Variants in CHST8 observed in about 807,000 individuals in gnomAD.
CHST8 encodes GALNAC-4-ST1.
In CHST8, 10 loss-of-function variants were observed where a neutral mutation model predicts 15.0. The observed-to-expected ratio is 0.67, with a 90% CI of 0.41 to 1.13. The LOEUF (loss-of-function observed/expected upper bound fraction) is 1.13. Among genes scored for constraint, CHST8 ranks in the 50% most tolerant of loss-of-function variants. The pLI is 0.00. For missense variants in CHST8, 634 were observed against 608.2 expected, an observed-to-expected ratio of 1.04 and a Z score of -0.45; for synonymous variants, 259 against 256.6, an observed-to-expected ratio of 1.01 and a Z score of -0.09.
intron 3 of CHST8, among the ~76,000 whole-genome samples, chr19:33,711,067 T>C (rs191285833): frequency 2.2e-4 from 34 of 152,248 alleles, no homozygotes; most frequent in Admixed American, 4.6e-4. Flanking sequence ...GAGAGGCATC[T>C]CACTATATTA....
intron 3 of CHST8, among the ~76,000 whole-genome samples, chr19:33,770,251 G>A (rs1259970732): frequency 6.6e-6 from 1 of 152,186 alleles, no homozygotes; most frequent in East Asian, 1.9e-4. Context: ...TGGGACACTG[G>A]AACCCCCCTC....
intron 3 of CHST8, among the ~76,000 whole-genome samples, chr19:33,763,853 G>C (rs1278484086): frequency 2.0e-5 from 3 of 152,226 alleles, no homozygotes; most frequent in Admixed American, 2.0e-4. Flanking sequence ...ACCTCACAAG[G>C]GCAGAGCCTG....
intron 3 of CHST8, among the ~76,000 whole-genome samples, chr19:33,760,103 AC>A (rs1974685475): frequency 6.6e-6 from 1 of 151,958 alleles, no homozygotes; most frequent in African/African-American, 2.4e-5. Flanking sequence ...CCCCTGACCA[AC>A]CTTTCTGCTG....
chr19:33,672,168 T>C (rs1295514194), intron 2 of CHST8, among the ~76,000 whole-genome samples: 1 of 151,784 alleles, frequency 6.6e-6, no homozygotes, highest in Non-Finnish European at 1.5e-5. Context: ...GGAATCCTCT[T>C]CTCCATTGAA....
intron 1 of CHST8, among the ~76,000 whole-genome samples, chr19:33,656,047 G>T (rs1287620782): frequency 1.3e-5 from 2 of 152,078 alleles, no homozygotes; most frequent in African/African-American, 4.8e-5. Context: ...GCCACATTCC[G>T]TAAGTTTTGG....
At chr19:33,734,716 G>T (rs905226306) in intron 3 of CHST8, among the ~76,000 whole-genome samples, 1 of 152,150 alleles carries the variant, frequency 6.6e-6, no homozygotes, top group Non-Finnish European at 1.5e-5. Flanking sequence ...TCTGTTGGGA[G>T]TGAGGACCCA....
chr19:33,758,579 C>T (rs1318741304), intron 3 of CHST8, among the ~76,000 whole-genome samples: 2 of 152,214 alleles, frequency 1.3e-5, no homozygotes, highest in Non-Finnish European at 2.9e-5. Flanking sequence ...CGGTAATTGA[C>T]GTGGCAGCCA....
At chr19:33,667,611 T>C (rs1374743509) in intron 1 of CHST8, among the ~76,000 whole-genome samples, 156 bp from the exon 2 acceptor site, 1 of 152,126 alleles carries the variant, frequency 6.6e-6, no homozygotes, top group Non-Finnish European at 1.5e-5. Context: ...TTTTCCTCCA[T>C]TGAGCGAATG....
At chr19:33,658,658 A>C (rs891356373) in intron 1 of CHST8, among the ~76,000 whole-genome samples, 5 of 152,154 alleles carry the variant, frequency 3.3e-5, no homozygotes, top group African/African-American at 9.7e-5. Flanking sequence ...ACTGTTGGTA[A>C]GTCTCTTTTC....
chr19:33,762,526 A>C (rs557464096), intron 3 of CHST8, among the ~76,000 whole-genome samples: 74 of 152,372 alleles, frequency 4.9e-4, no homozygotes, highest in Non-Finnish European at 9.4e-4. Context: ...TCAGGCGCTC[A>C]TCGGCCAGAG....
chr19:33,772,897 T>TC lies in CHST8; in HGVS notation c.1114dup (p.Arg372ProfsTer89). ...ATCCGCGCGCCGCGGAACCTGACCT[T>TC]CCCCCGGTTCAAGGACCGGCACTCG... On this transcript the variant is annotated frameshift_variant, in exon 5 of 5. Coordinates refer to ENST00000650847, the MANE Select transcript of CHST8 (RefSeq NM_001127895.2). LOFTEE classifies it high-confidence loss of function. 1 of 1,613,302 alleles carries TC rather than the reference T, an allele frequency of 6.2e-7. No individual in the cohort carries two copies. The highest frequency in any genetic ancestry group is 8.5e-7 in the Non-Finnish European group (1 of 1,179,994).
intron 2 of CHST8, among the ~76,000 whole-genome samples, chr19:33,686,123 C>T (rs967071591): frequency 7.2e-5 from 11 of 152,040 alleles, no homozygotes; most frequent in South Asian, 2.1e-4. Flanking sequence ...CCACAGACGG[C>T]TCCAATGCCA....
chr19:33,677,887 G>A (rs1231541827), intron 2 of CHST8, among the ~76,000 whole-genome samples: 2 of 152,208 alleles, frequency 1.3e-5, no homozygotes, highest in Non-Finnish European at 2.9e-5. Flanking sequence ...TCACAGATCT[G>A]GTGGACCATG....
At chr19:33,633,113 T>A (rs1047717915) in intron 1 of CHST8, among the ~76,000 whole-genome samples, 3 of 151,594 alleles carry the variant, frequency 2.0e-5, no homozygotes, top group Non-Finnish European at 2.9e-5. Flanking sequence ...TTACAGGCAT[T>A]AGCCACCACA....
At chr19:33,638,013 A>G (rs1463216589) in intron 1 of CHST8, among the ~76,000 whole-genome samples, 1 of 151,978 alleles carries the variant, frequency 6.6e-6, no homozygotes, top group Non-Finnish European at 1.5e-5. Flanking sequence ...CTTTGGCCCC[A>G]AGGAGATAGA....
At chr19:33,632,507 T>G (rs1722442599) in intron 1 of CHST8, among the ~76,000 whole-genome samples, 1 of 152,126 alleles carries the variant, frequency 6.6e-6, no homozygotes, top group Admixed American at 6.6e-5. Flanking sequence ...TTGTCCTGCA[T>G]GCACCATTGT....
intron 1 of CHST8, among the ~76,000 whole-genome samples, chr19:33,637,316 C>T (rs2312694): frequency 6.6e-6 from 1 of 151,868 alleles, no homozygotes; most frequent in Non-Finnish European, 1.5e-5. Flanking sequence ...TTACCCAGCC[C>T]CTATTCAAGA....
chr19:33,626,884 G>C (rs1361578301), intron 1 of CHST8, among the ~76,000 whole-genome samples: 1 of 150,852 alleles, frequency 6.6e-6, no homozygotes, highest in Non-Finnish European at 1.5e-5. Flanking sequence ...GAACTTCCAG[G>C]CTCAAACAAT....
intron 3 of CHST8, among the ~76,000 whole-genome samples, chr19:33,695,801 TTTTCTTTC>T (rs748705602): frequency 1.5e-5 from 2 of 130,310 alleles, no homozygotes; most frequent in Non-Finnish European, 3.2e-5. Context: ...CACATTTTCT[TTTTCTTTC>T]TTTCTTTCTT....
Sources: gnomAD v4.1 joint callset for allele counts (sites outside exome capture counted in the v4.1 genomes callset) on GRCh38, gnomAD v4.1.1 for gene constraint, MANE v1.5 for transcripts, NCBI Gene and HGNC (gene_info 2026-07-23, HGNC 2026-07-21) for gene names.